PAG1: variants seen among roughly 807,000 people sequenced by gnomAD.
PAG1 encodes phosphoprotein associated with glycosphingolipid-enriched microdomains 1.
PAG1 carries 23 observed loss-of-function variants against 31.7 expected under a neutral mutation model. The ratio of observed to expected loss-of-function variants is 0.73; its 90% confidence interval spans 0.52 to 1.03. PAG1 has a LOEUF of 1.03. Ranked by LOEUF, PAG1 falls within the 50% of genes least tolerant of loss-of-function variation. The probability of loss-of-function intolerance (pLI) is 0.00; values close to 1 mark genes in which losing one functional copy is unlikely to be tolerated. For synonymous variants in PAG1, 214 were observed against 210.3 expected (o/e 1.02, Z -0.15); for missense variants, 473 against 540.7 (o/e 0.87, Z 1.24).
chr8:80,998,119 G>T (rs1168406540), intron 3 of PAG1, among the ~76,000 whole-genome samples: 1 of 144,128 alleles, frequency 6.9e-6, no homozygotes, highest in Non-Finnish European at 1.5e-5. Flanking sequence ...AAATTTAACA[G>T]CAGGTGTCCT....
At chr8:80,978,481 A>G (rs1474425152) in intron 8 of PAG1, among the ~76,000 whole-genome samples, 1 of 152,222 alleles carries the variant, frequency 6.6e-6, no homozygotes, top group Non-Finnish European at 1.5e-5. Context: ...GAGACGGCAT[A>G]CCAGCGTATT....
chr8:81,061,069 A>G (rs1586195617), intron 2 of PAG1, among the ~76,000 whole-genome samples: 2 of 152,230 alleles, frequency 1.3e-5, no homozygotes, highest in African/African-American at 2.4e-5. Flanking sequence ...CATGTAAAAT[A>G]CAGCCATTAG....
At chr8:81,061,757 C>T (rs374979779) in intron 2 of PAG1, among the ~76,000 whole-genome samples, 86 of 152,196 alleles carry the variant, frequency 5.7e-4, no homozygotes, top group African/African-American at 1.9e-3. Flanking sequence ...ACATTTAAAA[C>T]GTAAAAAAGG....
intron 1 of PAG1, among the ~76,000 whole-genome samples, chr8:81,085,103 A>G (rs1394872349): frequency 6.6e-6 from 1 of 152,182 alleles, no homozygotes; most frequent in East Asian, 1.9e-4. Context: ...TTGGGCCTTT[A>G]CTTGGAATAG....
At chr8:81,089,274 A>G (rs1242381130) in intron 1 of PAG1, among the ~76,000 whole-genome samples, 3 of 152,202 alleles carry the variant, frequency 2.0e-5, no homozygotes, top group African/African-American at 7.2e-5. Context: ...TATCATACTT[A>G]AAGAACCCTG....
At chr8:81,026,741 AG>A (rs1234512684) in intron 3 of PAG1, among the ~76,000 whole-genome samples, 1 of 152,132 alleles carries the variant, frequency 6.6e-6, no homozygotes, top group Non-Finnish European at 1.5e-5. Flanking sequence ...CTGCACACGA[AG>A]GTGTCTTCCA....
At chr8:81,000,987 G>A (rs1807775549) in intron 3 of PAG1, among the ~76,000 whole-genome samples, 1 of 152,160 alleles carries the variant, frequency 6.6e-6, no homozygotes, top group African/African-American at 2.4e-5. Flanking sequence ...AAGCCTCAAG[G>A]GGGCTGGACC....
chr8:80,995,113 C>T (rs573450300), intron 3 of PAG1, among the ~76,000 whole-genome samples: 2 of 152,244 alleles, frequency 1.3e-5, no homozygotes, highest in South Asian at 2.1e-4. Flanking sequence ...AGGTGAAACA[C>T]TGTCACATTT....
intron 2 of PAG1, among the ~76,000 whole-genome samples, chr8:81,065,016 G>C (rs1006556841): frequency 6.6e-6 from 1 of 152,110 alleles, no homozygotes; most frequent in East Asian, 1.9e-4. Context: ...CACCTTTAAG[G>C]CTTCTCCCAA....
At chr8:81,002,484 G>A (rs1472378426) in intron 3 of PAG1, among the ~76,000 whole-genome samples, 1 of 152,212 alleles carries the variant, frequency 6.6e-6, no homozygotes, top group African/African-American at 2.4e-5. Context: ...TGGAGAAGTA[G>A]AATTTAAGAG....
At chr8:81,021,564 G>A (rs2130737732) in intron 3 of PAG1, among the ~76,000 whole-genome samples, 1 of 149,388 alleles carries the variant, frequency 6.7e-6, no homozygotes, top group African/African-American at 2.5e-5. Context: ...GTGTGTGTGT[G>A]ATAGAGAGAG....
chr8:81,057,900 A>G (rs1158809369), intron 2 of PAG1, among the ~76,000 whole-genome samples: 1 of 152,204 alleles, frequency 6.6e-6, no homozygotes, highest in Non-Finnish European at 1.5e-5. Flanking sequence ...ATCCTTTGGT[A>G]GCCATTGTTT....
intron 5 of PAG1, 100 bp from the exon 6 acceptor site, chr8:80,987,566 ACAG>A (rs1468361672): frequency 7.9e-6 from 6 of 759,308 alleles, no homozygotes; most frequent in African/African-American, 1.7e-5. Flanking sequence ...AAAAATTAAA[ACAG>A]CAGAAACAGA....
At position 80,985,010 on chromosome 8, in the gene PAG1, T is replaced by G; in HGVS notation, c.642A>C (p.Pro214=). 1 of 1,614,162 alleles carries G rather than the reference T, an allele frequency of 6.2e-7. No homozygotes were observed. Among genetic ancestry groups the G allele is most frequent in the East Asian group, 2.2e-5 (1 of 44,888 alleles). Residue 214 remains proline, a synonymous_variant, in exon 7 of 9, where the codon CCA becomes CCC. Transcript: ENST00000220597. The part of the protein sequence containing the change: ...AKSTSASKEL[P]GPQTEGKAEF... ...CAGCTTTGCCTTCAGTCTGGGGCCC[T>G]GGGAGCTCTTTCGAGGCAGAAGTAG...
At chr8:81,081,135 C>T (rs1809259626) in intron 1 of PAG1, among the ~76,000 whole-genome samples, 1 of 151,668 alleles carries the variant, frequency 6.6e-6, no homozygotes, top group African/African-American at 2.4e-5. Context: ...TAGGAGTTAA[C>T]AAATATTATC....
At chr8:81,081,816 C>T (rs187595432) in intron 1 of PAG1, among the ~76,000 whole-genome samples, 1 of 152,272 alleles carries the variant, frequency 6.6e-6, no homozygotes, top group Non-Finnish European at 1.5e-5. Context: ...TTTGTTCAGC[C>T]ACTCATCCAT....
intron 2 of PAG1, among the ~76,000 whole-genome samples, chr8:81,059,564 A>G (rs1808884908): frequency 6.6e-6 from 1 of 152,098 alleles, no homozygotes; most frequent in South Asian, 2.1e-4. Flanking sequence ...CAACTTTCAG[A>G]GGGTCTGTAA....
At chr8:81,028,993 T>C (rs1430229403) in intron 3 of PAG1, among the ~76,000 whole-genome samples, 1 of 152,222 alleles carries the variant, frequency 6.6e-6, no homozygotes, top group Admixed American at 6.5e-5. Flanking sequence ...AACCATATCA[T>C]ATTAACTTCT....
intron 1 of PAG1, among the ~76,000 whole-genome samples, chr8:81,093,584 T>A (rs956626541): frequency 6.6e-6 from 1 of 152,030 alleles, no homozygotes. Flanking sequence ...GGTAGACACG[T>A]TGCCTTTACA....
Sources: allele counts gnomAD v4.1 joint callset (sites outside exome capture counted in the v4.1 genomes callset), GRCh38; gene constraint gnomAD v4.1.1; transcripts MANE v1.5; gene names NCBI Gene and HGNC (gene_info 2026-07-23, HGNC 2026-07-21).